The following SLCO1B1 variants were observed in gnomAD, a reference collection of about 807,000 sequenced individuals.
SLCO1B1 encodes the protein OATP-2.
SLCO1B1 carries 81 observed loss-of-function variants against 70.1 expected under a neutral mutation model. The ratio of observed to expected loss-of-function variants is 1.16; its 90% CI spans 0.97 to 1.39. The LOEUF (loss-of-function observed/expected upper bound fraction) is 1.39, where lower values mean the gene tolerates loss of function less well. Among genes scored for constraint, SLCO1B1 ranks in the 40% most tolerant of loss-of-function variants. The probability of loss-of-function intolerance (pLI) is 0.00; values close to 1 mark genes in which losing one functional copy is unlikely to be tolerated. For synonymous variants in SLCO1B1, 283 were observed against 271.5 expected, an observed-to-expected ratio of 1.04 and a Z score of -0.42; for missense variants, 895 against 799.6, an observed-to-expected ratio of 1.12 and a Z score of -1.44.
chr12:21,155,085 C>T (rs1940523743), intron 2 of SLCO1B1, among the ~76,000 whole-genome samples: 1 of 118,282 alleles, frequency 8.5e-6, no homozygotes, highest in African/African-American at 3.0e-5. Flanking sequence ...ATTCAATGGG[C>T]ACTCTCAACC....
chr12:21,224,582 G>T, intron 13 of SLCO1B1, 140 bp from the exon 14 acceptor site: 1 of 637,862 alleles, frequency 1.6e-6, no homozygotes, highest in East Asian at 2.7e-5. Flanking sequence ...TTTATTATTG[G>T]GTAGATGCAG....
At chr12:21,214,752 A>T (rs1428909862) in intron 11 of SLCO1B1, among the ~76,000 whole-genome samples, 1 of 152,096 alleles carries the variant, frequency 6.6e-6, no homozygotes, top group East Asian at 1.9e-4. Context: ...CAGGTGCGGG[A>T]TGTAATCTCG....
At chr12:21,134,944 C>A (rs1018169125) in intron 1 of SLCO1B1, among the ~76,000 whole-genome samples, 4 of 152,178 alleles carry the variant, frequency 2.6e-5, no homozygotes, top group Non-Finnish European at 4.4e-5. Context: ...AATTTTGGAT[C>A]TTTCCTGCTT....
chr12:21,174,553 A>T, intron 3 of SLCO1B1, 24 bp from the exon 4 acceptor site: 1 of 1,611,400 alleles, frequency 6.2e-7, no homozygotes, highest in Non-Finnish European at 8.5e-7. Flanking sequence ...AAGCTGTATC[A>T]ACATAATTTT....
chr12:21,159,895 A>T (rs181562137), intron 2 of SLCO1B1, among the ~76,000 whole-genome samples: 12 of 152,080 alleles, frequency 7.9e-5, no homozygotes, highest in Non-Finnish European at 1.2e-4. Flanking sequence ...AGAATAAAAT[A>T]CTTTGAAATA....
At chr12:21,218,446 A>T (rs1214439849) in intron 12 of SLCO1B1, among the ~76,000 whole-genome samples, 1 of 150,508 alleles carries the variant, frequency 6.6e-6, no homozygotes, top group East Asian at 2.0e-4. Context: ...AGCCAACAGC[A>T]TGACATGGTA....
chr12:21,232,386 A>G (rs1941547482), intron 14 of SLCO1B1, among the ~76,000 whole-genome samples: 1 of 152,204 alleles, frequency 6.6e-6, no homozygotes, highest in Admixed American at 6.5e-5. Flanking sequence ...GACCAAGAGT[A>G]AGTACTGCCA....
chr12:21,136,191 G>A lies in SLCO1B1; in HGVS notation c.-62+4955G>A, dbSNP rs570645351. The stretch of plus-strand genomic sequence containing the variant: ...TCTTCTGGCTTGTAGAGTTTCTGCC[G>A]AGAGATCAGCTGTTAGTCTGATGGG... On this transcript the variant is annotated intron_variant, in intron 1 of 14. Coordinates refer to ENST00000256958, the MANE Select transcript of SLCO1B1 (RefSeq NM_006446.5). 5.9e-5 allele frequency among the ~76,000 whole-genome samples: 9 copies of A among 152,254 alleles called. No homozygotes were observed. In the South Asian group the frequency reaches 6.2e-4, roughly 11 times the overall value.
At chr12:21,209,742 A>G (rs1300806983) in intron 11 of SLCO1B1, among the ~76,000 whole-genome samples, 3 of 150,652 alleles carry the variant, frequency 2.0e-5, no homozygotes, top group Non-Finnish European at 4.4e-5. Context: ...CTTTTTAATG[A>G]TTGCCATTCT....
chr12:21,148,842 T>G (rs2121054642), intron 2 of SLCO1B1, among the ~76,000 whole-genome samples: 1 of 152,270 alleles, frequency 6.6e-6, no homozygotes, highest in Admixed American at 6.5e-5. Context: ...ATATTGATTC[T>G]TCCTATCCAT....
At chr12:21,235,773 A>G (rs954790634) in intron 14 of SLCO1B1, among the ~76,000 whole-genome samples, 4 of 151,992 alleles carry the variant, frequency 2.6e-5, no homozygotes, top group Admixed American at 2.0e-4. Flanking sequence ...CTGGTCTGGG[A>G]AATATTTTAT....
intron 1 of SLCO1B1, among the ~76,000 whole-genome samples, chr12:21,138,084 G>C (rs1332558928): frequency 6.6e-6 from 1 of 152,176 alleles, no homozygotes; most frequent in Non-Finnish European, 1.5e-5. Context: ...TGTTTTTATT[G>C]TGAAAGTGAG....
intron 12 of SLCO1B1, among the ~76,000 whole-genome samples, 173 bp downstream of exon 12, chr12:21,217,476 A>G (rs1941373122): frequency 6.6e-6 from 1 of 152,154 alleles, no homozygotes; most frequent in Non-Finnish European, 1.5e-5. Context: ...TGTAATTAAT[A>G]ATTTTGCCTC....
chr12:21,137,795 C>T, intron 1 of SLCO1B1, among the ~76,000 whole-genome samples: 1 of 152,344 alleles, frequency 6.6e-6, no homozygotes, highest in African/African-American at 2.4e-5. Flanking sequence ...CCGGGTGAGG[C>T]AATGCCTCGC....
chr12:21,234,162 T>C (rs1056442470), intron 14 of SLCO1B1, among the ~76,000 whole-genome samples: 1 of 151,986 alleles, frequency 6.6e-6, no homozygotes, highest in African/African-American at 2.4e-5. Context: ...AGAGTTCTGA[T>C]TGGTCAGGTG....
intron 2 of SLCO1B1, 57 bp downstream of exon 2, chr12:21,141,715 T>C: frequency 7.6e-6 from 8 of 1,052,740 alleles, no homozygotes; most frequent in South Asian, 2.7e-5. Flanking sequence ...CTTTAATGTA[T>C]AGAAAAGCAA....
chr12:21,132,442 A>C (rs1940151541), intron 1 of SLCO1B1, among the ~76,000 whole-genome samples: 1 of 152,216 alleles, frequency 6.6e-6, no homozygotes, highest in African/African-American at 2.4e-5. Context: ...ACTAGTTTAC[A>C]GTCCCACCAA....
chr12:21,144,942 C>T (rs1243140869), intron 2 of SLCO1B1, among the ~76,000 whole-genome samples: 1 of 152,126 alleles, frequency 6.6e-6, no homozygotes, highest in East Asian at 1.9e-4. Flanking sequence ...AGAATGATAC[C>T]TGTCACCACA....
At chr12:21,211,389 C>G (rs1475656459) in intron 11 of SLCO1B1, among the ~76,000 whole-genome samples, 2 of 152,034 alleles carry the variant, frequency 1.3e-5, no homozygotes, top group Non-Finnish European at 2.9e-5. Context: ...ATTGAACCAG[C>G]CTTGCATCCC....
Sources: gnomAD v4.1 joint callset for allele counts (sites outside exome capture counted in the v4.1 genomes callset) on GRCh38, gnomAD v4.1.1 for gene constraint, MANE v1.5 for transcripts, NCBI Gene and HGNC (gene_info 2026-07-23, HGNC 2026-07-21) for gene names.